Variants in PRKCA observed in about 807,000 individuals in gnomAD.
PRKCA encodes protein kinase C alpha type.
PRKCA carries 27 observed loss-of-function variants against 87.0 expected under a neutral mutation model. The ratio of observed to expected loss-of-function variants is 0.31; its 90% CI spans 0.23 to 0.43. The LOEUF is 0.43. Ranked by LOEUF, PRKCA falls within the 20% of genes least tolerant of loss-of-function variation. The pLI is 1.00. For synonymous variants in PRKCA, 329 were observed against 311.1 expected, an observed-to-expected ratio of 1.06 and a Z score of -0.61; for missense variants, 518 against 852.3, an observed-to-expected ratio of 0.61 and a Z score of 4.88.
At chr17:66,577,835 TAGTGGGGGGTAGG>T (rs1969288052) in intron 3 of PRKCA, among the ~76,000 whole-genome samples, 1 of 151,820 alleles carries the variant, frequency 6.6e-6, no homozygotes. Context: ...GAGGACGGGG[TAGTGGGGGGTAGG>T]GAGTGGGGTG....
chr17:66,769,197 A>C (rs377138709), intron 13 of PRKCA, among the ~76,000 whole-genome samples: 44 of 152,084 alleles, frequency 2.9e-4, no homozygotes, highest in Admixed American at 6.6e-4. Context: ...CTCTAAAAAA[A>C]TTGTTAAAAA....
intron 13 of PRKCA, among the ~76,000 whole-genome samples, chr17:66,758,265 T>C (rs1974603546): frequency 6.6e-6 from 1 of 152,236 alleles, no homozygotes; most frequent in Non-Finnish European, 1.5e-5. Flanking sequence ...GATTTGGTTA[T>C]AAGGGCTCTT....
At chr17:66,623,414 G>A (rs1419399586) in intron 3 of PRKCA, among the ~76,000 whole-genome samples, 1 of 152,182 alleles carries the variant, frequency 6.6e-6, no homozygotes, top group East Asian at 1.9e-4. Flanking sequence ...AGGAATGGGT[G>A]GAAAGCTGCA....
chr17:66,498,737 C>A (rs2144121185), intron 3 of PRKCA, among the ~76,000 whole-genome samples: 1 of 152,266 alleles, frequency 6.6e-6, no homozygotes, highest in South Asian at 2.1e-4. Context: ...GATAGGCAGA[C>A]AAAAGGAAGG....
chr17:66,325,578 G>A (rs1905932153), intron 2 of PRKCA, among the ~76,000 whole-genome samples: 1 of 152,192 alleles, frequency 6.6e-6, no homozygotes. Flanking sequence ...CTTGATGATA[G>A]TAGGGGTAGA....
chr17:66,398,284 G>A (rs1431750895), intron 2 of PRKCA: 1 of 152,176 alleles, frequency 6.6e-6, no homozygotes, highest in African/African-American at 2.4e-5. Flanking sequence ...CCAGCCCACA[G>A]ATTCTATCTG....
chr17:66,619,685 T>C (rs1970619094), intron 3 of PRKCA, among the ~76,000 whole-genome samples: 1 of 152,130 alleles, frequency 6.6e-6, no homozygotes, highest in African/African-American at 2.4e-5. Flanking sequence ...CTCAACTATG[T>C]GGAAACCGAT....
intron 16 of PRKCA, among the ~76,000 whole-genome samples, chr17:66,794,917 A>G (rs118061786): frequency 4.5e-4 from 69 of 152,098 alleles, no homozygotes; most frequent in Middle Eastern, 6.8e-3. Context: ...CCTCGGTATC[A>G]TTCTTTTTCT....
intron 2 of PRKCA, among the ~76,000 whole-genome samples, chr17:66,391,145 G>T: frequency 6.6e-6 from 1 of 152,184 alleles, no homozygotes; most frequent in East Asian, 1.9e-4. Flanking sequence ...TCCTGAAATG[G>T]AGCTTGGAGA....
chr17:66,721,405 A>AG (rs1427694853), intron 8 of PRKCA, among the ~76,000 whole-genome samples: 3 of 151,972 alleles, frequency 2.0e-5, no homozygotes. Flanking sequence ...CAAAAAAAAA[A>AG]AAAAAAAAGA....
At chr17:66,472,661 C>A (rs1458105929) in intron 2 of PRKCA, among the ~76,000 whole-genome samples, 1 of 152,148 alleles carries the variant, frequency 6.6e-6, no homozygotes, top group Non-Finnish European at 1.5e-5. Flanking sequence ...CGTAACATCC[C>A]TTTCCTGCCT....
chr17:66,490,429 C>T (rs371683409), intron 2 of PRKCA, among the ~76,000 whole-genome samples: 2 of 151,508 alleles, frequency 1.3e-5, no homozygotes, highest in East Asian at 1.9e-4. Flanking sequence ...CTGCAACCTC[C>T]GCCTCCTGGG....
At chr17:66,517,045 G>A (rs1398293153) in intron 3 of PRKCA, among the ~76,000 whole-genome samples, 3 of 152,158 alleles carry the variant, frequency 2.0e-5, no homozygotes, top group Non-Finnish European at 2.9e-5. Flanking sequence ...CAGCACTTTG[G>A]GAAGCCGAGG....
intron 2 of PRKCA, among the ~76,000 whole-genome samples, chr17:66,378,109 G>T (rs890650065): frequency 2.6e-5 from 4 of 152,128 alleles, no homozygotes; most frequent in Non-Finnish European, 4.4e-5. Context: ...GATCACCTGA[G>T]GTGAGGAGTT....
chr17:66,642,264 G>A (rs1971317943), intron 4 of PRKCA, among the ~76,000 whole-genome samples: 1 of 151,890 alleles, frequency 6.6e-6, no homozygotes, highest in Non-Finnish European at 1.5e-5. Flanking sequence ...CGAGTAGCTG[G>A]GACTACAGGC....
At chr17:66,493,010 G>A (rs1351810977) in intron 2 of PRKCA, among the ~76,000 whole-genome samples, 1 of 152,174 alleles carries the variant, frequency 6.6e-6, no homozygotes, top group Non-Finnish European at 1.5e-5. Context: ...CTTGCTTTAA[G>A]AGCTCTCCAC....
Position 66,458,218 on chromosome 17 carries a change from A to G in PRKCA, c.206-37983A>G, listed in dbSNP as rs536978153. On this transcript the variant is annotated intron_variant, in intron 2 of 16. Transcript: ENST00000413366. Reference sequence around the variant, plus strand: ...GAAAGAAAGCCTATTTCGCAGAATCAGCCAGTGAGGCATTCCTTCTTTTGT... The same window carrying G: ...GAAAGAAAGCCTATTTCGCAGAATCGGCCAGTGAGGCATTCCTTCTTTTGT... Among the ~76,000 whole-genome samples, 3 of 152,362 alleles carry G rather than the reference A, an allele frequency of 2.0e-5. No individual in the cohort carries two copies. The South Asian group carries it at 6.2e-4, about 32-fold the overall frequency.
chr17:66,531,419 G>A (rs907794076), intron 3 of PRKCA, among the ~76,000 whole-genome samples: 13 of 152,150 alleles, frequency 8.5e-5, no homozygotes, highest in African/African-American at 9.7e-5. Flanking sequence ...GGTGGGAGCC[G>A]GTGGCATCCT....
intron 2 of PRKCA, among the ~76,000 whole-genome samples, chr17:66,466,798 C>T (rs1247301944): frequency 6.6e-6 from 1 of 151,944 alleles, no homozygotes; most frequent in African/African-American, 2.4e-5. Context: ...AAGCCTTTAA[C>T]CTGCGAATTC....
Sources: allele counts gnomAD v4.1 joint callset (sites outside exome capture counted in the v4.1 genomes callset), GRCh38; gene constraint gnomAD v4.1.1; transcripts MANE v1.5; gene names NCBI Gene and HGNC (gene_info 2026-07-23, HGNC 2026-07-21).